The following RYR2 variants were observed in gnomAD, a reference collection of about 807,000 sequenced individuals.
The protein encoded by RYR2 is ryanodine receptor 2.
A neutral mutation model predicts 601.1 loss-of-function variants in RYR2; 227 were observed. That is an observed-to-expected ratio of 0.38 (90% confidence interval 0.34 to 0.42). The LOEUF (loss-of-function observed/expected upper bound fraction) is 0.42, where lower values mean the gene tolerates loss of function less well. Ranked by LOEUF, RYR2 falls within the 10% of genes least tolerant of loss-of-function variation. The pLI is 1.00. For synonymous variants in RYR2, 2,223 were observed against 2,175.1 expected (o/e 1.02, Z -0.61); for missense variants, 4,646 against 6,156.5 (o/e 0.75, Z 8.21).
At chr1:237,198,723 T>G (rs1680845305) in intron 1 of RYR2, among the ~76,000 whole-genome samples, 1 of 152,154 alleles carries the variant, frequency 6.6e-6, no homozygotes, top group Non-Finnish European at 1.5e-5. Flanking sequence ...AAGGTCAGAA[T>G]CTAATGAGGA....
intron 84 of RYR2, among the ~76,000 whole-genome samples, chr1:237,764,936 T>C (rs946770179): frequency 6.6e-6 from 1 of 152,148 alleles, no homozygotes; most frequent in Non-Finnish European, 1.5e-5. Context: ...AGATGAATTA[T>C]TTATACTGTT....
chr1:237,171,936 T>C (rs1677446597), intron 1 of RYR2, among the ~76,000 whole-genome samples: 1 of 152,248 alleles, frequency 6.6e-6, no homozygotes, highest in Non-Finnish European at 1.5e-5. Context: ...CAGTTTTCAT[T>C]CTCATCCATT....
rs180916191 is a variant in RYR2, at chr1:237,678,311, G to A, written c.8895+199G>A. Among the ~76,000 whole-genome samples the A allele has an allele frequency of 9.5e-4, 144 of 152,184 alleles. 4 individuals carry two copies. In the East Asian group the frequency reaches 0.017, roughly 18 times the overall value. Reference sequence around the variant, plus strand: ...AGACTTTAACTCTGCATTCCCTACCGCATTCCTTCTTCAAATGACTTCATT... The same window carrying A: ...AGACTTTAACTCTGCATTCCCTACCACATTCCTTCTTCAAATGACTTCATT... On this transcript the variant is annotated intron_variant, in intron 61 of 104. Transcript: ENST00000366574.
At chr1:237,242,857 C>T (rs957465233) in intron 1 of RYR2, among the ~76,000 whole-genome samples, 6 of 152,158 alleles carry the variant, frequency 3.9e-5, no homozygotes, top group East Asian at 1.9e-4. Flanking sequence ...TTTGGATGTA[C>T]GTGCAGAAAC....
chr1:237,312,813 G>A (rs59198429), intron 2 of RYR2, among the ~76,000 whole-genome samples: 13,262 of 152,156 alleles, frequency 0.087, 1,175 homozygotes, highest in African/African-American at 0.23. Flanking sequence ...ATTTACTATT[G>A]CTACCTGAAT....
intron 96 of RYR2, among the ~76,000 whole-genome samples, chr1:237,795,576 G>A (rs1012843978): frequency 6.6e-6 from 1 of 151,328 alleles, no homozygotes; most frequent in African/African-American, 2.4e-5. Context: ...TCAGTCTCCC[G>A]AGTGGCTGGG....
chr1:237,739,633 G>A (rs1252611393), intron 79 of RYR2, among the ~76,000 whole-genome samples: 3 of 152,136 alleles, frequency 2.0e-5, no homozygotes, highest in African/African-American at 7.2e-5. Context: ...TATGCCTAGT[G>A]TTCCATTCTT....
At chr1:237,170,676 T>C (rs1677258378) in intron 1 of RYR2, among the ~76,000 whole-genome samples, 1 of 152,248 alleles carries the variant, frequency 6.6e-6, no homozygotes, top group Admixed American at 6.5e-5. Context: ...AAGAGGTTAT[T>C]ATCCTGCAGA....
chr1:237,674,576 T>G (rs564055013), intron 59 of RYR2, among the ~76,000 whole-genome samples, 155 bp from the exon 60 acceptor site: 1 of 152,230 alleles, frequency 6.6e-6, no homozygotes, highest in South Asian at 2.1e-4. Context: ...TTACTTTTTC[T>G]TTGAGCTACA....
At chr1:237,639,685 C>T (rs143816675) in intron 46 of RYR2, among the ~76,000 whole-genome samples, 14 of 152,202 alleles carry the variant, frequency 9.2e-5, no homozygotes, top group South Asian at 2.1e-4. Context: ...AAGACAGATA[C>T]GAGAAGCAGT....
intron 1 of RYR2, among the ~76,000 whole-genome samples, chr1:237,145,676 A>G (rs892762906): frequency 1.3e-5 from 2 of 152,202 alleles, no homozygotes; most frequent in African/African-American, 4.8e-5. Context: ...TACTATACCC[A>G]TAAACATGAA....
chr1:237,591,485 C>T (rs1170899287), intron 31 of RYR2, among the ~76,000 whole-genome samples: 1 of 151,960 alleles, frequency 6.6e-6, no homozygotes, highest in African/African-American at 2.4e-5. Flanking sequence ...TTAGGCCAGA[C>T]AATTCTTTGT....
intron 29 of RYR2, among the ~76,000 whole-genome samples, chr1:237,579,899 C>A (rs763284505): frequency 1.3e-5 from 2 of 151,950 alleles, no homozygotes; most frequent in Non-Finnish European, 2.9e-5. Flanking sequence ...CAAAACAAAA[C>A]CAGCAACAAT....
intron 12 of RYR2, among the ~76,000 whole-genome samples, chr1:237,431,700 T>A (rs1232712112): frequency 6.6e-6 from 1 of 152,164 alleles, no homozygotes; most frequent in Non-Finnish European, 1.5e-5. Context: ...GGTCTAAAAA[T>A]GTGAAGATTT....
intron 3 of RYR2, among the ~76,000 whole-genome samples, chr1:237,349,745 A>G (rs766475845): frequency 9.2e-5 from 14 of 152,220 alleles, no homozygotes; most frequent in Non-Finnish European, 1.5e-4. Context: ...TGCCCATGCA[A>G]CCTCTAGGGT....
At chr1:237,741,666 A>G (rs965180437) in intron 79 of RYR2, among the ~76,000 whole-genome samples, 7 of 152,136 alleles carry the variant, frequency 4.6e-5, no homozygotes, top group African/African-American at 1.7e-4. Flanking sequence ...CAATGGCACA[A>G]TCTTGGCTCA....
intron 17 of RYR2, among the ~76,000 whole-genome samples, chr1:237,475,820 T>C (rs1405114961): frequency 3.9e-5 from 6 of 152,216 alleles, no homozygotes. Flanking sequence ...TTCATACGCA[T>C]GACCACTCTG....
intron 25 of RYR2, among the ~76,000 whole-genome samples, chr1:237,531,385 G>T (rs1668125288): frequency 2.0e-5 from 3 of 152,126 alleles, no homozygotes; most frequent in African/African-American, 7.2e-5. Context: ...AGGTATTAAA[G>T]AAATATTCAA....
intron 79 of RYR2, among the ~76,000 whole-genome samples, chr1:237,740,621 C>G (rs1691528106): frequency 6.6e-6 from 1 of 152,080 alleles, no homozygotes; most frequent in African/African-American, 2.4e-5. Context: ...CCTTGTGTCT[C>G]TCCTATGTTT....
Sources: gnomAD v4.1 joint callset for allele counts (sites outside exome capture counted in the v4.1 genomes callset) on GRCh38, gnomAD v4.1.1 for gene constraint, MANE v1.5 for transcripts, NCBI Gene and HGNC (gene_info 2026-07-23, HGNC 2026-07-21) for gene names.